Variants in TGFBR3 observed in about 807,000 individuals in gnomAD.
TGFBR3 encodes transforming growth factor beta receptor type 3.
A neutral mutation model predicts 87.9 loss-of-function variants in TGFBR3; 46 were observed. The observed-to-expected ratio is 0.52, with a 90% CI of 0.41 to 0.67. TGFBR3 has a LOEUF of 0.67. Among genes scored for constraint, TGFBR3 ranks in the 30% least tolerant of loss-of-function variants. The pLI is 0.00. For missense variants in TGFBR3, 866 were observed against 1,041.9 expected (o/e 0.83, Z 2.32); for synonymous variants, 381 against 391.6 (o/e 0.97, Z 0.32).
At chr1:91,718,810 C>A (rs1488392539) in intron 10 of TGFBR3, among the ~76,000 whole-genome samples, 1 of 152,150 alleles carries the variant, frequency 6.6e-6, no homozygotes, top group African/African-American at 2.4e-5. Flanking sequence ...TGGAGAGAGA[C>A]TTAATAATTC....
intron 1 of TGFBR3, among the ~76,000 whole-genome samples, chr1:91,865,050 A>G (rs1266200554): frequency 6.6e-6 from 1 of 151,862 alleles, no homozygotes; most frequent in Non-Finnish European, 1.5e-5. Context: ...CAAAAATACA[A>G]AAGTTAGCCA....
chr1:91,739,394 T>C (rs1163405711), intron 4 of TGFBR3, among the ~76,000 whole-genome samples: 1 of 152,158 alleles, frequency 6.6e-6, no homozygotes, highest in Non-Finnish European at 1.5e-5. Flanking sequence ...CCAAAATAAA[T>C]GCAAAGTCTT....
chr1:91,682,606 G>T lies in TGFBR3; in HGVS notation c.*1133C>A, dbSNP rs1356321411. On this transcript the variant is annotated 3_prime_UTR_variant, in exon 17 of 17. Coordinates refer to ENST00000212355, the MANE Select transcript of TGFBR3 (RefSeq NM_003243.5). ...ATCTCAGCACTGTCTTGGTGGAATT[G>T]GTGACACTATTCAGATAACCAACTG... is the stretch of plus-strand genomic sequence containing the variant. 2.2e-6 allele frequency: 1 copy of T among 453,724 alleles called. No individual in the cohort carries two copies. Among genetic ancestry groups the T allele is most frequent in the Admixed American group, 2.4e-5 (1 of 42,546 alleles). 28.1% of individuals were successfully genotyped at this position (453,724 alleles called of 1,614,324 possible). A position where few individuals can be genotyped will look rare whatever the true frequency, so the allele number is the denominator to read the frequency against.
chr1:91,883,480 T>C (rs1440231315), intron 1 of TGFBR3, among the ~76,000 whole-genome samples: 1 of 152,216 alleles, frequency 6.6e-6, no homozygotes, highest in Non-Finnish European at 1.5e-5. Context: ...GCAACTTAGT[T>C]ATTTTGCTAG....
At chr1:91,787,173 T>C (rs1488461353) in intron 3 of TGFBR3, among the ~76,000 whole-genome samples, 1 of 151,956 alleles carries the variant, frequency 6.6e-6, no homozygotes, top group African/African-American at 2.4e-5. Flanking sequence ...TGGTGGCACA[T>C]GCCTATGGTC....
At chr1:91,750,548 T>G (rs1424034479) in intron 4 of TGFBR3, among the ~76,000 whole-genome samples, 2 of 151,820 alleles carry the variant, frequency 1.3e-5, no homozygotes, top group African/African-American at 4.8e-5. Flanking sequence ...ATGAGCAGAC[T>G]CCGGAATAAA....
chr1:91,728,551 A>G (rs1282493108), intron 6 of TGFBR3, among the ~76,000 whole-genome samples: 1 of 152,208 alleles, frequency 6.6e-6, no homozygotes, highest in African/African-American at 2.4e-5. Context: ...TTAAGGGAAC[A>G]GTCTTTCTTT....
intron 5 of TGFBR3, among the ~76,000 whole-genome samples, chr1:91,730,867 C>G (rs1163238996): frequency 6.6e-6 from 1 of 152,244 alleles, no homozygotes; most frequent in East Asian, 1.9e-4. Flanking sequence ...TTACAAAGTG[C>G]TTTCGCAAAC....
chr1:91,792,023 C>T (rs1675213694), intron 3 of TGFBR3, among the ~76,000 whole-genome samples: 1 of 152,060 alleles, frequency 6.6e-6, no homozygotes, highest in African/African-American at 2.4e-5. Flanking sequence ...TCAAAAAGAA[C>T]CAAAAAAGGG....
At chr1:91,815,417 A>C (rs759851146) in intron 2 of TGFBR3, among the ~76,000 whole-genome samples, 12 of 152,136 alleles carry the variant, frequency 7.9e-5, no homozygotes, top group Non-Finnish European at 1.5e-4. Context: ...AGAAGTGTTT[A>C]ATTAAATCAG....
chr1:91,864,201 G>C (rs1485960048), intron 1 of TGFBR3: 1 of 152,212 alleles, frequency 6.6e-6, no homozygotes, highest in Non-Finnish European at 1.5e-5. Context: ...ATGAGCTTGC[G>C]TCACCCTGCC....
chr1:91,704,881 C>T (rs1671743336), intron 14 of TGFBR3, among the ~76,000 whole-genome samples: 1 of 152,242 alleles, frequency 6.6e-6, no homozygotes, highest in African/African-American at 2.4e-5. Context: ...ACAGAAGAAA[C>T]ACTAAAGTAT....
chr1:91,841,349 G>A (rs571732448), intron 2 of TGFBR3, among the ~76,000 whole-genome samples: 2 of 152,292 alleles, frequency 1.3e-5, no homozygotes, highest in South Asian at 4.1e-4. Flanking sequence ...ATGTATCTGA[G>A]GGTAACAACA....
intron 1 of TGFBR3, among the ~76,000 whole-genome samples, chr1:91,902,271 T>TTTTGTG (rs534984244): frequency 2.7e-5 from 4 of 148,354 alleles, no homozygotes; most frequent in African/African-American, 1.0e-4. Flanking sequence ...TCCTTTTCTT[T>TTTTGTG]TGTGTGTGTG....
At chr1:91,778,528 C>T (rs1163901397) in intron 3 of TGFBR3, among the ~76,000 whole-genome samples, 2 of 152,168 alleles carry the variant, frequency 1.3e-5, no homozygotes, top group African/African-American at 4.8e-5. Context: ...AGAAACATTA[C>T]TTTATGCCCA....
intron 3 of TGFBR3, chr1:91,770,882 C>T (rs1468812482): frequency 6.6e-6 from 1 of 152,172 alleles, no homozygotes; most frequent in African/African-American, 2.4e-5. Context: ...GTATAGTGCG[C>T]TGCTTTCTGA....
intron 1 of TGFBR3, among the ~76,000 whole-genome samples, chr1:91,903,414 G>C (rs1489307306): frequency 1.4e-5 from 2 of 143,912 alleles, no homozygotes; most frequent in African/African-American, 5.1e-5. Flanking sequence ...TTATCATTCA[G>C]ATAATGATTG....
chr1:91,777,650 C>T (rs1674613292), intron 3 of TGFBR3, among the ~76,000 whole-genome samples: 1 of 149,988 alleles, frequency 6.7e-6, no homozygotes, highest in Admixed American at 6.8e-5. Context: ...GATTACTTAG[C>T]ACTTAACGTG....
intron 2 of TGFBR3, among the ~76,000 whole-genome samples, chr1:91,895,477 G>T (rs1429880752): frequency 6.6e-6 from 1 of 151,960 alleles, no homozygotes; most frequent in Non-Finnish European, 1.5e-5. Context: ...AAATTACCCA[G>T]TATCAGGTAT....
Sources: gnomAD v4.1 joint callset for allele counts (sites outside exome capture counted in the v4.1 genomes callset) on GRCh38, gnomAD v4.1.1 for gene constraint, MANE v1.5 for transcripts, NCBI Gene and HGNC (gene_info 2026-07-23, HGNC 2026-07-21) for gene names.